Variants in XKR9 observed in about 807,000 individuals in gnomAD.
XKR9 encodes XK-related protein 9.
Under a neutral mutation model 32.0 loss-of-function variants are expected in XKR9, and 32 were observed. That is an observed-to-expected ratio of 1.00 (90% CI 0.76 to 1.34). The LOEUF is 1.34. XKR9 is among the 40% of genes most tolerant of loss of function. The probability of loss-of-function intolerance (pLI) is 0.00; values close to 1 mark genes in which losing one functional copy is unlikely to be tolerated. For missense variants in XKR9, 546 were observed against 429.7 expected (o/e 1.27, Z -2.39); for synonymous variants, 168 against 143.4 (o/e 1.17, Z -1.22).
chr8:70,880,756 G>C, the XKR9 span, among the ~76,000 whole-genome samples: 1 of 151,884 alleles, frequency 6.6e-6, no homozygotes, highest in Non-Finnish European at 1.5e-5. Context: ...TTCTTCACAG[G>C]ATTGGAAAAA....
chr8:71,049,755 C>T, the XKR9 span, among the ~76,000 whole-genome samples: 1 of 151,920 alleles, frequency 6.6e-6, no homozygotes, highest in South Asian at 2.1e-4. Context: ...AGAAGAGCCT[C>T]GTTTAAGGAA....
the XKR9 span, among the ~76,000 whole-genome samples, chr8:70,995,210 A>C: frequency 6.6e-6 from 1 of 152,206 alleles, no homozygotes. Context: ...AAACTTAAGC[A>C]ACTGCAAAGG....
At chr8:70,874,472 G>A in the XKR9 span, among the ~76,000 whole-genome samples, 60 of 152,220 alleles carry the variant, frequency 3.9e-4, no homozygotes, top group Middle Eastern at 3.4e-3. Context: ...TAAAATTATG[G>A]TGCTTGCTAG....
chr8:70,844,588 G>A, the XKR9 span, among the ~76,000 whole-genome samples: 1 of 152,170 alleles, frequency 6.6e-6, no homozygotes, highest in African/African-American at 2.4e-5. Flanking sequence ...CACCAGTGGG[G>A]GGCCTGGGGA....
At chr8:70,984,584 G>A in the XKR9 span, among the ~76,000 whole-genome samples, 74,682 of 152,022 alleles carry the variant, frequency 0.49, 19,764 homozygotes, top group Middle Eastern at 0.61. Context: ...ATGCCCAAAG[G>A]CCTAGCTATT....
intron 3 of XKR9, among the ~76,000 whole-genome samples, chr8:70,687,200 A>G (rs1293215157): frequency 6.6e-6 from 1 of 152,128 alleles, no homozygotes; most frequent in Non-Finnish European, 1.5e-5. Context: ...GAGTGAGAAC[A>G]TGTGAAATTT....
chr8:70,741,451 A>T lies in XKR9; in HGVS notation n.352+34298A>T, dbSNP rs60949206. Among the ~76,000 whole-genome samples, 828 of 152,330 alleles carry T rather than the reference A, an allele frequency of 5.4e-3. 12 individuals carry two copies. Among genetic ancestry groups the T allele is most frequent in the African/African-American group, 0.019 (794 of 41,570 alleles). On this transcript the variant is annotated intron_variant and non_coding_transcript_variant, in intron 2 of 3. Transcript: ENST00000520273. ...ATAAATTACCCAGTCCCTGGTATTC[A>T]GCGGAAAACAGACTGAGACACATGT...
At chr8:71,036,548 C>T in the XKR9 span, among the ~76,000 whole-genome samples, 1 of 152,094 alleles carries the variant, frequency 6.6e-6, no homozygotes, top group Admixed American at 6.5e-5. Context: ...GGGATAATTT[C>T]CAGCTGGGTG....
Position 70,735,740 on chromosome 8 carries a change from T to C in XKR9, c.*1316T>C, listed in dbSNP as rs1375888422. The stretch of plus-strand genomic sequence containing the variant: ...TTGGTTTTTTGTTCTTGCGATAGTT[T>C]ACTGAGAATGATGATTTCCAGCTTC... On this transcript the variant is annotated 3_prime_UTR_variant, in exon 5 of 5. Coordinates refer to ENST00000408926, the MANE Select transcript of XKR9 (RefSeq NM_001011720.2). 1 of 151,576 alleles carries C rather than the reference T, an allele frequency of 6.6e-6. No homozygotes were observed. The highest frequency in any genetic ancestry group is 2.4e-5 in the African/African-American group (1 of 41,238). 9.4% of individuals were successfully genotyped at this position (151,576 alleles called of 1,614,324 possible). A position where few individuals can be genotyped will look rare whatever the true frequency, so the allele number is the denominator to read the frequency against.
rs530680952 is a variant in XKR9 at position 70,763,555 on chromosome 8, A to G, written n.353-25784A>G. Among the ~76,000 whole-genome samples, 26 of 152,314 alleles carry G rather than the reference A, an allele frequency of 1.7e-4. No individual in the cohort carries two copies. The South Asian group carries it at 5.4e-3, about 32-fold the overall frequency. ...AATGTAATTCTTCTATTTATAATAC[A>G]TCATTTCCATAAACAATGTATATAT... On this transcript the variant is annotated intron_variant and non_coding_transcript_variant, in intron 2 of 3. Coordinates refer to the XKR9 transcript ENST00000520273.
the XKR9 span, among the ~76,000 whole-genome samples, chr8:71,058,547 G>GATTGACT: frequency 1.3e-5 from 2 of 152,196 alleles, no homozygotes; most frequent in Non-Finnish European, 2.9e-5. Context: ...AAAGCAATAA[G>GATTGACT]ATTGACTAAG....
chr8:70,876,738 C>G, the XKR9 span, among the ~76,000 whole-genome samples: 1 of 152,036 alleles, frequency 6.6e-6, no homozygotes, highest in African/African-American at 2.4e-5. Flanking sequence ...CTCAGAAACC[C>G]TGAGTTTCTG....
intron 3 of XKR9, among the ~76,000 whole-genome samples, chr8:70,699,857 T>A (rs1369117999): frequency 1.3e-5 from 2 of 152,184 alleles, no homozygotes; most frequent in African/African-American, 4.8e-5. Flanking sequence ...CATAGTCCCA[T>A]ATTTCTTGGA....
chr8:71,044,162 T>C, the XKR9 span, among the ~76,000 whole-genome samples: 1 of 152,338 alleles, frequency 6.6e-6, no homozygotes, highest in Non-Finnish European at 1.5e-5. Flanking sequence ...AATCTTTCTC[T>C]CACACATGCT....
At chr8:70,858,482 C>A in the XKR9 span, among the ~76,000 whole-genome samples, 2 of 151,130 alleles carry the variant, frequency 1.3e-5, no homozygotes, top group African/African-American at 4.8e-5. Flanking sequence ...CAAAAAATGA[C>A]ATTCTTCACA....
chr8:70,815,150 A>G, the XKR9 span, among the ~76,000 whole-genome samples: 1 of 146,458 alleles, frequency 6.8e-6, no homozygotes, highest in Non-Finnish European at 1.5e-5. Flanking sequence ...TTTACATTGT[A>G]TTTTATTCAT....
At chr8:70,728,009 T>G (rs565065020) in intron 4 of XKR9, among the ~76,000 whole-genome samples, 1 of 152,294 alleles carries the variant, frequency 6.6e-6, no homozygotes, top group African/African-American at 2.4e-5. Context: ...GTGGCTAATT[T>G]GTTAGTCCTA....
chr8:70,869,788 G>C, the XKR9 span, among the ~76,000 whole-genome samples: 2 of 152,150 alleles, frequency 1.3e-5, no homozygotes, highest in African/African-American at 4.8e-5. Flanking sequence ...CGTTAGGTGG[G>C]TTAAAGTAGG....
the XKR9 span, among the ~76,000 whole-genome samples, chr8:70,808,377 G>A: frequency 2.4e-4 from 36 of 152,274 alleles, no homozygotes; most frequent in African/African-American, 8.4e-4. Flanking sequence ...GAGCGATGCA[G>A]AAGATGTATG....
Sources: allele counts gnomAD v4.1 joint callset (sites outside exome capture counted in the v4.1 genomes callset), GRCh38; gene constraint gnomAD v4.1.1; transcripts MANE v1.5; gene names NCBI Gene and HGNC (gene_info 2026-07-23, HGNC 2026-07-21).